SOX5: variants seen among roughly 807,000 people sequenced by gnomAD.
SOX5 encodes the protein SRY-box transcription factor 5.
In SOX5, 9 loss-of-function variants were observed where a neutral mutation model predicts 92.0. The ratio of observed to expected loss-of-function variants is 0.10; its 90% CI spans 0.06 to 0.17. SOX5 has a LOEUF of 0.17. SOX5 is among the 10% of genes least tolerant of loss of function. The pLI, the probability that SOX5 is intolerant of heterozygous loss-of-function variation, is 1.00. For synonymous variants in SOX5, 344 were observed against 336.3 expected, an observed-to-expected ratio of 1.02 and a Z score of -0.25; for missense variants, 642 against 944.5, an observed-to-expected ratio of 0.68 and a Z score of 4.20.
intron 2 of SOX5, among the ~76,000 whole-genome samples, chr12:24,327,992 G>A (rs1595623014): frequency 1.3e-5 from 2 of 152,138 alleles, no homozygotes; most frequent in South Asian, 2.1e-4. Context: ...GCACCCAGCC[G>A]CAATAGAGAC....
At chr12:23,633,357 T>C (rs772994579) in intron 8 of SOX5, among the ~76,000 whole-genome samples, 19 of 152,174 alleles carry the variant, frequency 1.2e-4, no homozygotes, top group South Asian at 4.1e-4. Flanking sequence ...GTTGCCATCA[T>C]TTGATCTTAT....
At chr12:24,374,881 G>A (rs1005519910) in intron 1 of SOX5, among the ~76,000 whole-genome samples, 7 of 152,202 alleles carry the variant, frequency 4.6e-5, no homozygotes, top group Non-Finnish European at 1.0e-4. Context: ...GATTTGTGTA[G>A]TCACTAGGGT....
At chr12:23,678,031 A>G (rs1188974951) in intron 6 of SOX5, among the ~76,000 whole-genome samples, 1 of 152,166 alleles carries the variant, frequency 6.6e-6, no homozygotes. Context: ...TACCATAGCT[A>G]AGGACACACT....
At chr12:23,847,493 T>C (rs757327521) in intron 2 of SOX5, among the ~76,000 whole-genome samples, 7 of 152,174 alleles carry the variant, frequency 4.6e-5, no homozygotes, top group African/African-American at 7.2e-5. Context: ...TATGCTAACA[T>C]ACTTGGTTTA....
intron 3 of SOX5, among the ~76,000 whole-genome samples, chr12:23,805,386 G>A (rs1420735266): frequency 6.6e-6 from 1 of 151,712 alleles, no homozygotes; most frequent in African/African-American, 2.4e-5. Context: ...GTAGTTGCAA[G>A]GATTAAAAGT....
intron 1 of SOX5, among the ~76,000 whole-genome samples, chr12:24,489,908 G>A (rs1044145969): frequency 1.3e-5 from 2 of 152,184 alleles, no homozygotes; most frequent in Admixed American, 6.5e-5. Context: ...CCTGAGAAAC[G>A]TAGTCCAGAA....
chr12:24,348,565 T>G (rs1953650003), intron 2 of SOX5, among the ~76,000 whole-genome samples: 1 of 152,006 alleles, frequency 6.6e-6, no homozygotes, highest in East Asian at 1.9e-4. Context: ...GTACTTTTAG[T>G]AGAGGCGGTG....
intron 1 of SOX5, among the ~76,000 whole-genome samples, chr12:24,422,648 A>G (rs1459163117): frequency 1.3e-5 from 2 of 152,246 alleles, no homozygotes; most frequent in African/African-American, 4.8e-5. Context: ...AGATCTAATG[A>G]AAGTTACCTA....
At chr12:23,564,214 CTAAT>C (rs1946688743) in intron 10 of SOX5, among the ~76,000 whole-genome samples, 1 of 152,150 alleles carries the variant, frequency 6.6e-6, no homozygotes, top group Admixed American at 6.5e-5. Context: ...ACAACCAAAA[CTAAT>C]TTTTACTTAA....
At chr12:23,955,068 CA>C (rs2139926240), upstream of SOX5, among the ~76,000 whole-genome samples, 1 of 152,030 alleles carries the variant, frequency 6.6e-6, no homozygotes, top group African/African-American at 2.4e-5. Flanking sequence ...GAGGAAGTCC[CA>C]AAACTAGTAA....
At chr12:24,257,120 C>T (rs78004970) in intron 3 of SOX5, among the ~76,000 whole-genome samples, 1 of 152,088 alleles carries the variant, frequency 6.6e-6, no homozygotes, top group Non-Finnish European at 1.5e-5. Context: ...TGGCCAGACA[C>T]CTAATAAATG....
intron 1 of SOX5, among the ~76,000 whole-genome samples, chr12:24,501,941 A>T (rs1231306763): frequency 6.6e-6 from 1 of 152,216 alleles, no homozygotes; most frequent in Non-Finnish European, 1.5e-5. Context: ...AGATGATTAC[A>T]GGGCTTCCAG....
intron 4 of SOX5, among the ~76,000 whole-genome samples, chr12:23,979,707 G>GTTGTTGTT (rs1949333613): frequency 1.3e-5 from 1 of 77,472 alleles, no homozygotes; most frequent in African/African-American, 5.5e-5. Context: ...TGTTTTTTTT[G>GTTGTTGTT]TTTTTTTTTT....
chr12:24,197,040 G>A (rs1381310302), intron 4 of SOX5, among the ~76,000 whole-genome samples: 2 of 152,246 alleles, frequency 1.3e-5, no homozygotes, highest in African/African-American at 4.8e-5. Context: ...TGCTTCACCA[G>A]GCTTGAAGAG....
At chr12:23,878,834 T>G (rs2096956406) in intron 2 of SOX5, among the ~76,000 whole-genome samples, 1 of 152,134 alleles carries the variant, frequency 6.6e-6, no homozygotes, top group Non-Finnish European at 1.5e-5. Flanking sequence ...TAATCTGTAA[T>G]ATTCATATAT....
intron 4 of SOX5, among the ~76,000 whole-genome samples, chr12:24,103,106 A>G (rs747514578): frequency 1.2e-4 from 18 of 152,180 alleles, no homozygotes; most frequent in Non-Finnish European, 2.1e-4. Context: ...TAATAGATAC[A>G]CACTGTTATT....
At chr12:24,297,331 G>A (rs939683402) in intron 2 of SOX5, among the ~76,000 whole-genome samples, 6 of 152,164 alleles carry the variant, frequency 3.9e-5, no homozygotes, top group South Asian at 2.1e-4. Flanking sequence ...CTTCATCTTC[G>A]ACAGTCTTCC....
chr12:24,140,078 C>T (rs76758521), intron 4 of SOX5, among the ~76,000 whole-genome samples: 5,300 of 152,060 alleles, frequency 0.035, 122 homozygotes, highest in African/African-American at 0.065. Flanking sequence ...ACCCTGGTTG[C>T]GAAAACAAAA....
chr12:24,195,289 T>C (rs2139458204), intron 4 of SOX5, among the ~76,000 whole-genome samples: 2 of 152,218 alleles, frequency 1.3e-5, no homozygotes, highest in African/African-American at 4.8e-5. Context: ...TAATCATCAA[T>C]TTTTTTAAAT....
Sources: allele counts gnomAD v4.1 joint callset (sites outside exome capture counted in the v4.1 genomes callset), GRCh38; gene constraint gnomAD v4.1.1; transcripts MANE v1.5; gene names NCBI Gene and HGNC (gene_info 2026-07-23, HGNC 2026-07-21).